Variants in GRIK1 observed in about 807,000 individuals in gnomAD.
GRIK1 encodes the protein glutamate receptor ionotropic, kainate 1.
GRIK1 carries 69 observed loss-of-function variants against 105.7 expected under a neutral mutation model. That is an observed-to-expected ratio of 0.65 (90% CI 0.54 to 0.80). GRIK1 has a LOEUF of 0.80. Among genes scored for constraint, GRIK1 ranks in the 30% least tolerant of loss-of-function variants. The pLI, the probability that GRIK1 is intolerant of heterozygous loss-of-function variation, is 0.00. For synonymous variants in GRIK1, 438 were observed against 431.3 expected (o/e 1.02, Z -0.19); for missense variants, 1,109 against 1,167.3 (o/e 0.95, Z 0.73).
In GRIK1 at chr21:29,560,540, C is replaced by CT. The variant is rs1200748907; in HGVS notation, c.2356+1083dup. On this transcript the variant is annotated intron_variant, in intron 15 of 17. Coordinates refer to ENST00000327783, the MANE Select transcript of GRIK1 (RefSeq NM_001330994.2). ...CCTTCCTTTCTTTCTTTCTTTCTTT[C>CT]TTTCTTTCTTTCTTTCTTTCTTTCT... is the stretch of plus-strand genomic sequence containing the variant. Among the ~76,000 whole-genome samples the CT allele has an allele frequency of 3.5e-5, 3 of 85,904 alleles. 1 individual carries two copies. In the South Asian group the frequency reaches 1.1e-3, roughly 31 times the overall value. The allele number at this position is 85,904 out of a possible 152,430, so 56.4% of individuals were successfully genotyped here. A position where few individuals can be genotyped will look rare whatever the true frequency, so the allele number is the denominator to read the frequency against.
At chr21:29,724,787 T>G (rs2064412240) in intron 1 of GRIK1, among the ~76,000 whole-genome samples, 2 of 152,190 alleles carry the variant, frequency 1.3e-5, no homozygotes, top group African/African-American at 4.8e-5. Context: ...ACAGGAGCCC[T>G]AAGTGCCGCT....
At chr21:29,923,252 G>T (rs986696598) in intron 1 of GRIK1, among the ~76,000 whole-genome samples, 3 of 152,160 alleles carry the variant, frequency 2.0e-5, no homozygotes, top group Non-Finnish European at 4.4e-5. Flanking sequence ...TTACTTTTCA[G>T]TCGAAATGTC....
chr21:29,822,014 G>A (rs1260357874), intron 1 of GRIK1, among the ~76,000 whole-genome samples: 1 of 152,000 alleles, frequency 6.6e-6, no homozygotes, highest in Non-Finnish European at 1.5e-5. Flanking sequence ...AACTTGTGTT[G>A]TTCAAAGGTC....
chr21:29,698,065 A>C (rs542406476), intron 1 of GRIK1, among the ~76,000 whole-genome samples: 72 of 130,626 alleles, frequency 5.5e-4, no homozygotes, highest in Admixed American at 1.6e-3. Flanking sequence ...CCCTTCCTCC[A>C]TTCCTCCCTT....
chr21:29,694,117 ATTTTTT>A (rs11434895), intron 1 of GRIK1, 54 bp from the exon 2 acceptor site: 22,327 of 436,264 alleles, frequency 0.051, 1,057 homozygotes, highest in African/African-American at 0.28. Flanking sequence ...TTCACATGTA[ATTTTTT>A]TTTTTTTTTT....
chr21:29,641,484 C>T (rs1186099206), intron 7 of GRIK1, among the ~76,000 whole-genome samples: 3 of 152,146 alleles, frequency 2.0e-5, no homozygotes, highest in Non-Finnish European at 4.4e-5. Flanking sequence ...ATAAATTACC[C>T]AGTCTCAGGT....
intron 1 of GRIK1, among the ~76,000 whole-genome samples, chr21:29,781,571 A>C (rs1054564191): frequency 1.3e-5 from 2 of 151,730 alleles, no homozygotes; most frequent in Non-Finnish European, 2.9e-5. Context: ...AACTTACATA[A>C]ATTTTGTTGT....
chr21:29,544,210 A>T (rs1361265590), intron 16 of GRIK1, among the ~76,000 whole-genome samples: 1 of 152,200 alleles, frequency 6.6e-6, no homozygotes, highest in Non-Finnish European at 1.5e-5. Flanking sequence ...GTTCATCTTT[A>T]TTTAAAGATT....
intron 1 of GRIK1, among the ~76,000 whole-genome samples, chr21:29,716,181 T>C (rs956296225): frequency 6.6e-6 from 1 of 152,208 alleles, no homozygotes; most frequent in Non-Finnish European, 1.5e-5. Flanking sequence ...CCAACCATGC[T>C]GCACTGTGAG....
chr21:29,720,770 C>G (rs1458098425), intron 1 of GRIK1, among the ~76,000 whole-genome samples: 1 of 152,112 alleles, frequency 6.6e-6, no homozygotes, highest in African/African-American at 2.4e-5. Flanking sequence ...AATTCACACT[C>G]CGTTAACATT....
chr21:29,553,144 G>A, intron 16 of GRIK1: 1 of 828,508 alleles, frequency 1.2e-6, no homozygotes, highest in Non-Finnish European at 1.5e-6. Flanking sequence ...TATGAGACAG[G>A]GAGAAGAAAA....
intron 1 of GRIK1, among the ~76,000 whole-genome samples, chr21:29,919,253 A>G (rs1040225019): frequency 4.6e-5 from 7 of 152,132 alleles, no homozygotes; most frequent in African/African-American, 1.7e-4. Flanking sequence ...GGCAAGAGAC[A>G]CTTGTGATGC....
chr21:29,677,879 G>C (rs1168038717), intron 3 of GRIK1, among the ~76,000 whole-genome samples: 1 of 152,154 alleles, frequency 6.6e-6, no homozygotes, highest in South Asian at 2.1e-4. Context: ...TGATGCATGA[G>C]TCCCCTCTAC....
chr21:29,770,564 T>A (rs568978257), intron 1 of GRIK1, among the ~76,000 whole-genome samples: 2 of 152,218 alleles, frequency 1.3e-5, no homozygotes, highest in Admixed American at 1.3e-4. Context: ...TCACATCCAT[T>A]TTTTGAATAC....
At chr21:29,784,471 G>A (rs1569089836) in intron 1 of GRIK1, among the ~76,000 whole-genome samples, 2 of 152,032 alleles carry the variant, frequency 1.3e-5, no homozygotes, top group Admixed American at 6.5e-5. Context: ...TACATACAGT[G>A]GGTGTTGTTT....
intron 1 of GRIK1, among the ~76,000 whole-genome samples, chr21:29,912,402 C>T (rs930933182): frequency 6.6e-6 from 1 of 152,124 alleles, no homozygotes; most frequent in South Asian, 2.1e-4. Flanking sequence ...CCATAAACTT[C>T]TCCCCTACAC....
intron 4 of GRIK1, among the ~76,000 whole-genome samples, chr21:29,661,241 G>C (rs1417888086): frequency 1.3e-5 from 2 of 152,190 alleles, no homozygotes; most frequent in Non-Finnish European, 2.9e-5. Flanking sequence ...TATACAGAAA[G>C]ATATCCATCT....
chr21:29,734,558 C>T (rs941725563), intron 1 of GRIK1, among the ~76,000 whole-genome samples: 4 of 151,688 alleles, frequency 2.6e-5, no homozygotes, highest in Admixed American at 2.0e-4. Context: ...TGACACCATG[C>T]CTGGCTAATT....
chr21:29,775,306 A>C (rs561291458), intron 1 of GRIK1, among the ~76,000 whole-genome samples: 1 of 151,572 alleles, frequency 6.6e-6, no homozygotes, highest in East Asian at 1.9e-4. Flanking sequence ...AAAGTCCACC[A>C]ATAGTTGCTT....
Sources: allele counts gnomAD v4.1 joint callset (sites outside exome capture counted in the v4.1 genomes callset), GRCh38; gene constraint gnomAD v4.1.1; transcripts MANE v1.5; gene names NCBI Gene and HGNC (gene_info 2026-07-23, HGNC 2026-07-21).